Variants in DIS3L2 observed in about 807,000 individuals in gnomAD.
DIS3L2 encodes the protein DIS3-like exonuclease 2.
Under a neutral mutation model 97.5 loss-of-function variants are expected in DIS3L2, and 34 were observed. That is an observed-to-expected ratio of 0.35 (90% confidence interval 0.27 to 0.46). DIS3L2 has a LOEUF of 0.46. Ranked by LOEUF, DIS3L2 falls within the 20% of genes least tolerant of loss-of-function variation. The pLI, the probability that DIS3L2 is intolerant of heterozygous loss-of-function variation, is 1.00. For synonymous variants in DIS3L2, 435 were observed against 445.2 expected (o/e 0.98, Z 0.29); for missense variants, 1,038 against 1,146.0 (o/e 0.91, Z 1.36).
intron 6 of DIS3L2, among the ~76,000 whole-genome samples, chr2:232,114,942 A>G (rs1559643450): frequency 6.6e-6 from 1 of 152,182 alleles, no homozygotes; most frequent in Non-Finnish European, 1.5e-5. Flanking sequence ...CCTTCTTGCC[A>G]GTGGGGACTC....
intron 1 of DIS3L2, chr2:231,978,670 T>C (rs1022855780): frequency 6.6e-6 from 1 of 152,252 alleles, no homozygotes; most frequent in Non-Finnish European, 1.5e-5. Flanking sequence ...TGGAACCCAT[T>C]GCAGAGGAGC....
intron 14 of DIS3L2, among the ~76,000 whole-genome samples, chr2:232,308,591 T>C (rs754524814): frequency 3.9e-5 from 6 of 152,146 alleles, no homozygotes; most frequent in Admixed American, 1.3e-4. Context: ...TCGGCTGAAG[T>C]GTCTGCCGCA....
intron 10 of DIS3L2, among the ~76,000 whole-genome samples, chr2:232,230,240 T>C (rs1442091766): frequency 3.3e-5 from 5 of 152,210 alleles, no homozygotes. Flanking sequence ...AGGTGGAGTT[T>C]ATTGTGTGGC....
At chr2:232,340,993 G>A (rs1475726368), downstream of DIS3L2, 5 of 465,302 alleles carry the variant, frequency 1.1e-5, no homozygotes, top group Non-Finnish European at 1.3e-5. Context: ...GAAAGCCATC[G>A]TGAAACGAGA....
rs1370481058 is a variant in DIS3L2 at position 232,092,821 on chromosome 2, T to A, written c.601+5100T>A. ...TCTTTAGGGTTTTCCAAATATAAGA[T>A]CATACCATCTGCAAGCAAGGATTAT... On this transcript the variant is annotated intron_variant, in intron 6 of 20. Transcript: ENST00000325385. Among the ~76,000 whole-genome samples the A allele has an allele frequency of 2.0e-5, 3 of 152,204 alleles. No individual in the cohort carries two copies. In the East Asian group the frequency reaches 5.8e-4, roughly 29 times the overall value.
intron 5 of DIS3L2, among the ~76,000 whole-genome samples, chr2:232,059,218 A>G (rs755880970): frequency 7.2e-5 from 11 of 152,252 alleles, no homozygotes; most frequent in Non-Finnish European, 1.5e-4. Context: ...TGGCAGAACC[A>G]GCTTACATTG....
intron 13 of DIS3L2, among the ~76,000 whole-genome samples, chr2:232,285,798 T>G (rs989669739): frequency 6.6e-6 from 1 of 152,224 alleles, no homozygotes; most frequent in Non-Finnish European, 1.5e-5. Context: ...TCTGGTTGCA[T>G]GTGGAACCTG....
chr2:232,172,833 C>T (rs1296555751), intron 9 of DIS3L2: 1 of 512,994 alleles, frequency 1.9e-6, no homozygotes, highest in South Asian at 1.5e-5. Context: ...GGGGTAGTAT[C>T]TCATTGTGGT....
At chr2:232,318,126 C>CCG (rs1253841933) in intron 14 of DIS3L2, among the ~76,000 whole-genome samples, 12 of 148,230 alleles carry the variant, frequency 8.1e-5, no homozygotes, top group African/African-American at 3.2e-4. Context: ...GGCCAGGCCT[C>CCG]CACAGAGGCC....
At chr2:232,340,852 T>A (rs1300276889), downstream of DIS3L2, 10 of 471,448 alleles carry the variant, frequency 2.1e-5, no homozygotes, top group South Asian at 1.5e-4. Flanking sequence ...TGCCTATCCG[T>A]GCACAGCCAG....
chr2:232,066,485 C>A (rs1695860078), intron 5 of DIS3L2, among the ~76,000 whole-genome samples: 1 of 151,960 alleles, frequency 6.6e-6, no homozygotes, highest in Non-Finnish European at 1.5e-5. Context: ...AATTTGTTGA[C>A]AGATCTAACA....
intron 1 of DIS3L2, among the ~76,000 whole-genome samples, chr2:231,969,776 T>C (rs1692839493): frequency 6.6e-6 from 1 of 152,214 alleles, no homozygotes. Flanking sequence ...AGCAGATTAC[T>C]TGTCTTGTTT....
chr2:232,098,052 G>A, intron 6 of DIS3L2, among the ~76,000 whole-genome samples: 1 of 152,138 alleles, frequency 6.6e-6, no homozygotes, highest in East Asian at 1.9e-4. Context: ...GTCATCAGTG[G>A]AAAAGTTTTC....
At position 232,074,375 on chromosome 2, in the gene DIS3L2, C is replaced by T. The variant is rs180932794; in HGVS notation, c.367-13112C>T. ...TTCTCACTATTTTTTGCAAATGCTT[C>T]TTTTACAGCTGATTCAAGTCTTTCT... On this transcript the variant is annotated intron_variant, in intron 5 of 20. Transcript: ENST00000325385. Among the ~76,000 whole-genome samples, 1,336 of 152,174 alleles carry T rather than the reference C, an allele frequency of 8.8e-3. 14 individuals carry two copies. The highest frequency in any genetic ancestry group is 0.017 in the Middle Eastern group (5 of 294).
In DIS3L2 at chr2:232,193,884, G is replaced by A. The variant is rs546347554; in HGVS notation, c.1125-16442G>A. On this transcript the variant is annotated intron_variant, in intron 9 of 20. Coordinates refer to ENST00000325385, the MANE Select transcript of DIS3L2 (RefSeq NM_152383.5). ...AGCAGTTTGGGAGGCCAAGGCAGGC[G>A]GATCACTTGAGACCAGGAGTTGAAG... 3.0e-3 allele frequency among the ~76,000 whole-genome samples: 456 copies of A among 152,220 alleles called. 1 individual carries two copies. The highest frequency in any genetic ancestry group is 5.0e-3 in the Non-Finnish European group (339 of 68,014).
intron 9 of DIS3L2, among the ~76,000 whole-genome samples, chr2:232,207,279 A>G (rs765530765): frequency 2.6e-5 from 4 of 152,198 alleles, no homozygotes; most frequent in Non-Finnish European, 5.9e-5. Context: ...AGAAGTGGAC[A>G]CTTCCTTCTT....
At chr2:232,171,330 A>G (rs1690984045) in intron 9 of DIS3L2, among the ~76,000 whole-genome samples, 1 of 152,192 alleles carries the variant, frequency 6.6e-6, no homozygotes, top group African/African-American at 2.4e-5. Context: ...AGTATTCCTT[A>G]GAATACATTT....
intron 5 of DIS3L2, among the ~76,000 whole-genome samples, chr2:232,050,569 C>A (rs1477863673): frequency 6.6e-6 from 1 of 152,192 alleles, no homozygotes; most frequent in Non-Finnish European, 1.5e-5. Context: ...AGCCACTGCA[C>A]CCGGCCGGTT....
intron 1 of DIS3L2, among the ~76,000 whole-genome samples, chr2:231,976,881 C>T (rs1693113103): frequency 6.6e-6 from 1 of 151,620 alleles, no homozygotes. Context: ...CATTCTCCCG[C>T]CTCAGCCTCC....
Sources: allele counts gnomAD v4.1 joint callset (sites outside exome capture counted in the v4.1 genomes callset), GRCh38; gene constraint gnomAD v4.1.1; transcripts MANE v1.5; gene names NCBI Gene and HGNC (gene_info 2026-07-23, HGNC 2026-07-21).